Variants in CNBD1 observed in about 807,000 individuals in gnomAD.
CNBD1 encodes cyclic nucleotide-binding domain-containing protein 1.
In CNBD1, 71 loss-of-function variants were observed where a neutral mutation model predicts 54.4. That is an observed-to-expected ratio of 1.30 (90% CI 1.08 to 1.59). The LOEUF is 1.59. Among genes scored for constraint, CNBD1 ranks in the 40% most tolerant of loss-of-function variants. The pLI is 0.00. For synonymous variants in CNBD1, 182 were observed against 170.7 expected (o/e 1.07, Z -0.51); for missense variants, 659 against 518.0 (o/e 1.27, Z -2.64).
chr8:87,293,380 C>G (rs1190801821), intron 8 of CNBD1, among the ~76,000 whole-genome samples: 3 of 151,928 alleles, frequency 2.0e-5, no homozygotes, highest in Non-Finnish European at 1.5e-5. Context: ...CACGTCTCTG[C>G]TAAAAGAACA....
intron 8 of CNBD1, among the ~76,000 whole-genome samples, chr8:87,306,422 A>G (rs1411187983): frequency 6.6e-6 from 1 of 152,206 alleles, no homozygotes; most frequent in Admixed American, 6.6e-5. Flanking sequence ...AAAATAAGTT[A>G]TTATTCGAAA....
chr8:87,428,651 T>C (rs191251462), intron 3 of CNBD1: 349 of 444,308 alleles, frequency 7.9e-4, no homozygotes, highest in African/African-American at 6.1e-3. Context: ...ATGTCACTCT[T>C]CATAGTAATT....
chr8:87,110,527 C>A (rs530984717), intron 4 of CNBD1, among the ~76,000 whole-genome samples: 1 of 152,102 alleles, frequency 6.6e-6, no homozygotes, highest in Non-Finnish European at 1.5e-5. Flanking sequence ...AATAGCTTGT[C>A]GTTTACATTG....
chr8:87,309,296 T>G (rs570833893), intron 8 of CNBD1, among the ~76,000 whole-genome samples: 1 of 152,270 alleles, frequency 6.6e-6, no homozygotes, highest in South Asian at 2.1e-4. Flanking sequence ...ATATAATCGG[T>G]TTCTTCTTAT....
chr8:87,377,554 G>A (rs952694474), intron 10 of CNBD1, among the ~76,000 whole-genome samples: 3 of 151,786 alleles, frequency 2.0e-5, no homozygotes, highest in Non-Finnish European at 4.4e-5. Context: ...GTCTATCATT[G>A]TTGGACATTT....
chr8:86,868,419 C>T (rs577211689), intron 1 of CNBD1, among the ~76,000 whole-genome samples: 1 of 152,050 alleles, frequency 6.6e-6, no homozygotes. Flanking sequence ...CTCAGCTCAC[C>T]ACAACCTCCG....
intron 8 of CNBD1, among the ~76,000 whole-genome samples, chr8:87,316,635 T>C (rs1809393970): frequency 6.6e-6 from 1 of 151,812 alleles, no homozygotes; most frequent in South Asian, 2.1e-4. Flanking sequence ...TTTTTTGCAA[T>C]AGGAAACAAG....
chr8:87,216,445 C>T (rs1401989258), intron 5 of CNBD1, among the ~76,000 whole-genome samples: 1 of 152,126 alleles, frequency 6.6e-6, no homozygotes, highest in Non-Finnish European at 1.5e-5. Context: ...TTCCCACTCC[C>T]CTCAGAAAGC....
At chr8:87,076,560 A>G (rs918409094) in intron 4 of CNBD1, among the ~76,000 whole-genome samples, 2 of 151,964 alleles carry the variant, frequency 1.3e-5, no homozygotes, top group African/African-American at 2.4e-5. Context: ...CTCCTGCCTC[A>G]GCCTCCTGGG....
At chr8:86,927,985 G>A (rs1168435107) in intron 3 of CNBD1, among the ~76,000 whole-genome samples, 2 of 152,062 alleles carry the variant, frequency 1.3e-5, no homozygotes, top group Admixed American at 1.3e-4. Context: ...GTGAATCCAA[G>A]ATTCCACTCT....
intron 5 of CNBD1, among the ~76,000 whole-genome samples, chr8:87,210,840 T>C (rs1198545057): frequency 2.0e-5 from 3 of 152,190 alleles, no homozygotes; most frequent in Non-Finnish European, 2.9e-5. Flanking sequence ...AAATGTGGGA[T>C]TGAAGGTCCT....
At chr8:87,427,396 G>A (rs1056919618) in intron 2 of CNBD1, among the ~76,000 whole-genome samples, 7 of 152,076 alleles carry the variant, frequency 4.6e-5, no homozygotes, top group African/African-American at 1.7e-4. Context: ...TGATTATTCA[G>A]TAGGCTGTAT....
At chr8:87,018,797 G>A (rs1417708564) in intron 4 of CNBD1, among the ~76,000 whole-genome samples, 1 of 152,086 alleles carries the variant, frequency 6.6e-6, no homozygotes, top group Non-Finnish European at 1.5e-5. Flanking sequence ...TGCAGAAGAG[G>A]TAGGCACGTA....
chr8:87,136,507 C>CTTATTTTTATATTATATATAAATTATATA (rs1490978031), intron 4 of CNBD1, among the ~76,000 whole-genome samples: 5 of 121,364 alleles, frequency 4.1e-5, no homozygotes, highest in African/African-American at 1.3e-4. Context: ...TTTTTACTTC[C>CTTATTTTTATATTATATATAAATTATATA]TTATTTTTAT....
chr8:87,340,459 G>A (rs1810043144), intron 8 of CNBD1, among the ~76,000 whole-genome samples: 2 of 152,240 alleles, frequency 1.3e-5, no homozygotes, highest in South Asian at 4.1e-4. Context: ...GGTTTGGAAA[G>A]TTTTCAGCCC....
chr8:87,348,717 AT>A (rs1810222718), intron 8 of CNBD1, among the ~76,000 whole-genome samples: 1 of 152,198 alleles, frequency 6.6e-6, no homozygotes, highest in Admixed American at 6.5e-5. Context: ...ATTAGTTTCT[AT>A]TTAAACTGAG....
At chr8:87,426,582 T>C (rs1808054997) in intron 2 of CNBD1, among the ~76,000 whole-genome samples, 2 of 152,344 alleles carry the variant, frequency 1.3e-5, no homozygotes, top group South Asian at 4.1e-4. Context: ...TTTATCAAGC[T>C]ACACAGAACT....
At chr8:86,885,687 A>G (rs967415182) in intron 1 of CNBD1, among the ~76,000 whole-genome samples, 4 of 152,278 alleles carry the variant, frequency 2.6e-5, no homozygotes, top group African/African-American at 9.6e-5. Context: ...AAGATCCATT[A>G]TGTTGCTCAA....
chr8:87,275,363 G>C (rs1263071321), intron 6 of CNBD1, among the ~76,000 whole-genome samples: 6 of 151,504 alleles, frequency 4.0e-5, no homozygotes, highest in Admixed American at 4.0e-4. Context: ...AATTACCTTG[G>C]GCAGTATGGC....
Sources: gnomAD v4.1 joint callset for allele counts (sites outside exome capture counted in the v4.1 genomes callset) on GRCh38, gnomAD v4.1.1 for gene constraint, MANE v1.5 for transcripts, NCBI Gene and HGNC (gene_info 2026-07-23, HGNC 2026-07-21) for gene names.